TRIO: variants seen among roughly 807,000 people sequenced by gnomAD.
TRIO encodes trio Rho guanine nucleotide exchange factor, also known as triple functional domain protein.
Under a neutral mutation model 351.9 loss-of-function variants are expected in TRIO, and 58 were observed. That is an observed-to-expected ratio of 0.16 (90% CI 0.13 to 0.21). The LOEUF is 0.21. Ranked by LOEUF, TRIO falls within the 10% of genes least tolerant of loss-of-function variation. The pLI is 1.00. For synonymous variants in TRIO, 1,758 were observed against 1,595.7 expected (o/e 1.10, Z -2.42); for missense variants, 3,201 against 4,027.8 (o/e 0.79, Z 5.56).
chr5:14,325,629 T>C (rs562747562), intron 9 of TRIO, among the ~76,000 whole-genome samples: 95 of 152,134 alleles, frequency 6.2e-4, no homozygotes, highest in Non-Finnish European at 1.2e-3. Context: ...AGTGTGGGAC[T>C]TGGCGGGGCC....
intron 9 of TRIO, among the ~76,000 whole-genome samples, chr5:14,326,465 T>C (rs1022836654): frequency 1.3e-5 from 2 of 152,220 alleles, no homozygotes; most frequent in African/African-American, 4.8e-5. Context: ...TGTTGTTTTG[T>C]CCATTAGAGG....
At chr5:14,388,014 C>T in intron 23 of TRIO, 167 bp downstream of exon 23, 1 of 613,230 alleles carries the variant, frequency 1.6e-6, no homozygotes, top group South Asian at 2.2e-5. Flanking sequence ...GTTCACTGTC[C>T]TCTTATCACC....
chr5:14,191,489 C>G (rs1177153299), intron 1 of TRIO, among the ~76,000 whole-genome samples: 1 of 148,776 alleles, frequency 6.7e-6, no homozygotes, highest in Non-Finnish European at 1.5e-5. Flanking sequence ...AGTTACGTCA[C>G]TCCATACACT....
intron 9 of TRIO, among the ~76,000 whole-genome samples, chr5:14,326,060 G>GAGGC (rs770084704): frequency 2.6e-5 from 4 of 152,084 alleles, no homozygotes; most frequent in Non-Finnish European, 5.9e-5. Flanking sequence ...GATGAGCCCT[G>GAGGC]AGGCAGGCAT....
chr5:14,485,013 G>A, intron 46 of TRIO, 56 bp from the exon 47 acceptor site: 2 of 1,467,140 alleles, frequency 1.4e-6, no homozygotes, highest in Non-Finnish European at 1.8e-6. Flanking sequence ...GTGGACACAT[G>A]GTTTGCTTCC....
In TRIO at chr5:14,498,173, G is replaced by A. The variant is rs375871711; in HGVS notation, c.8132G>A (p.Arg2711His). ...GTTCTTAGATGTCGAGTCTGTGGCC[G>A]CCCCAAAGCCTCAATTACCTGGAAG... ...TVVLRCRVCGRPKASITWKGP... is the reference protein window; with the variant it reads ...TVVLRCRVCGHPKASITWKGP... The change falls in exon 52 of 57, where the codon CGC becomes CAC. Residue 2711 changes from arginine to histidine, a missense_variant. Coordinates refer to ENST00000344204, the MANE Select transcript of TRIO (RefSeq NM_007118.4). The A allele has an allele frequency of 1.5e-5, 24 of 1,614,038 alleles. No individual in the cohort carries two copies. Among genetic ancestry groups the A allele is most frequent in the Admixed American group, 8.3e-5 (5 of 59,998 alleles).
chr5:14,222,231 G>A (rs149123), intron 1 of TRIO, among the ~76,000 whole-genome samples: 66,195 of 151,370 alleles, frequency 0.44, 16,724 homozygotes, highest in Non-Finnish European at 0.56. Flanking sequence ...ATAAACTACA[G>A]TATAGGATAA....
At position 14,508,320 on chromosome 5, in the gene TRIO, C is replaced by T. The variant is rs1757857753; in HGVS notation, c.9192C>T (p.Ser3064=). The change falls in exon 57 of 57, where the codon TCC becomes TCT. Residue 3064 remains serine, a synonymous_variant. Coordinates refer to ENST00000344204, the MANE Select transcript of TRIO (RefSeq NM_007118.4). ...NGRSTGVLDT[S]RLTSFIERRK... The stretch of plus-strand genomic sequence containing the variant: ...GAAGCACGGGCGTCCTCGACACGTC[C>T]AGACTGACTTCCTTCATTGAGCGGC... The T allele has an allele frequency of 1.3e-5, 21 of 1,614,052 alleles. No individual in the cohort carries two copies. The highest frequency in any genetic ancestry group is 1.7e-5 in the Non-Finnish European group (20 of 1,180,056).
chr5:14,378,256 T>C (rs1341903776), intron 20 of TRIO, 129 bp downstream of exon 20: 2 of 619,922 alleles, frequency 3.2e-6, no homozygotes, highest in Non-Finnish European at 5.5e-6. Context: ...TATAGCCTTC[T>C]AGTTAAGTTT....
chr5:14,427,116 G>A (rs1226748375), intron 34 of TRIO, among the ~76,000 whole-genome samples: 1 of 152,104 alleles, frequency 6.6e-6, no homozygotes. Context: ...CAAAGCCAGG[G>A]TGTGTTTCCA....
At chr5:14,380,752 A>C (rs1746031158) in intron 20 of TRIO, among the ~76,000 whole-genome samples, 1 of 152,196 alleles carries the variant, frequency 6.6e-6, no homozygotes, top group East Asian at 1.9e-4. Flanking sequence ...TCATTCTACT[A>C]TAAACTCATG....
intron 4 of TRIO, among the ~76,000 whole-genome samples, chr5:14,288,568 G>A (rs1244870589): frequency 6.6e-6 from 1 of 152,118 alleles, no homozygotes; most frequent in East Asian, 1.9e-4. Flanking sequence ...TTGGGAGGCT[G>A]AGGCAGGAGA....
At chr5:14,449,799 C>T (rs1007527892) in intron 34 of TRIO, among the ~76,000 whole-genome samples, 1 of 152,208 alleles carries the variant, frequency 6.6e-6, no homozygotes, top group Non-Finnish European at 1.5e-5. Flanking sequence ...TACACTTTCA[C>T]TTTGGCAATA....
rs1042601458 is a variant in TRIO at position 14,157,875 on chromosome 5, A to C, written c.157+13993A>C. 1.3e-4 allele frequency among the ~76,000 whole-genome samples: 20 copies of C among 152,314 alleles called. No homozygotes were observed. The Middle Eastern group carries it at 0.01, about 78-fold the overall frequency. On this transcript the variant is annotated intron_variant, in intron 1 of 56. Coordinates refer to ENST00000344204, the MANE Select transcript of TRIO (RefSeq NM_007118.4). Reference sequence around the variant, plus strand: ...AGGCTTGAGATTATACACAGGAGCCACTGCACCCAGCCTGTTCTGTGTTTT... The same window carrying C: ...AGGCTTGAGATTATACACAGGAGCCCCTGCACCCAGCCTGTTCTGTGTTTT...
chr5:14,209,396 G>T (rs984004425), intron 1 of TRIO, among the ~76,000 whole-genome samples: 1 of 152,230 alleles, frequency 6.6e-6, no homozygotes, highest in Non-Finnish European at 1.5e-5. Flanking sequence ...GAGCTCTTCG[G>T]AAGTCACCAT....
chr5:14,197,394 T>C (rs1790845744), intron 1 of TRIO, among the ~76,000 whole-genome samples: 1 of 152,224 alleles, frequency 6.6e-6, no homozygotes, highest in Admixed American at 6.5e-5. Context: ...GAATGCTCTT[T>C]ACCCTGTCCA....
intron 2 of TRIO, among the ~76,000 whole-genome samples, chr5:14,279,696 T>C (rs1735826366): frequency 6.6e-6 from 1 of 152,240 alleles, no homozygotes; most frequent in African/African-American, 2.4e-5. Flanking sequence ...ACTCTTAGTG[T>C]GTGATAGAAA....
intron 1 of TRIO, among the ~76,000 whole-genome samples, chr5:14,211,875 GCCAA>G (rs1404833827): frequency 6.6e-6 from 1 of 151,422 alleles, no homozygotes; most frequent in Non-Finnish European, 1.5e-5. Context: ...ACTTTGAGAG[GCCAA>G]AGTAGAAGGA....
intron 31 of TRIO, among the ~76,000 whole-genome samples, chr5:14,404,190 GA>G (rs1748510959): frequency 6.6e-6 from 1 of 151,860 alleles, no homozygotes; most frequent in Non-Finnish European, 1.5e-5. Flanking sequence ...TGGCGATGAT[GA>G]TGTCCTCATA....
Sources: gnomAD v4.1 joint callset for allele counts (sites outside exome capture counted in the v4.1 genomes callset) on GRCh38, gnomAD v4.1.1 for gene constraint, MANE v1.5 for transcripts, NCBI Gene and HGNC (gene_info 2026-07-23, HGNC 2026-07-21) for gene names.